The following ITGA7 variants were observed in gnomAD, a reference collection of about 807,000 sequenced individuals.
ITGA7 encodes the protein integrin subunit alpha 7.
A neutral mutation model predicts 131.6 loss-of-function variants in ITGA7; 84 were observed. The observed-to-expected ratio is 0.64, with a 90% CI of 0.54 to 0.77. ITGA7 has a LOEUF of 0.77. ITGA7 is among the 30% of genes least tolerant of loss of function. The pLI, the probability that ITGA7 is intolerant of heterozygous loss-of-function variation, is 0.00. For missense variants in ITGA7, 1,399 were observed against 1,482.9 expected (o/e 0.94, Z 0.93); for synonymous variants, 548 against 600.7 (o/e 0.91, Z 1.28).
rs1391762442 is a variant in ITGA7, at chr12:55,702,894, T to G, written c.392A>C (p.Gln131Pro). 1 of 1,612,970 alleles carries G rather than the reference T, an allele frequency of 6.2e-7. No homozygotes were observed. Among genetic ancestry groups the G allele is most frequent in the Non-Finnish European group, 8.5e-7 (1 of 1,179,940 alleles). ...CACAACAATCTTGCCCCCAGGCCCC[T>G]GGCTCCGAACACTGACTCCCAACCA... Reference protein sequence around the residue: ...NQWLGVSVRSQGPGGKIVTCA... With the variant: ...NQWLGVSVRSPGPGGKIVTCA... Residue 131 changes from glutamine (Q) to proline (P), a missense_variant, in exon 3 of 25, where the codon CAG becomes CCG. By Grantham distance (76) the Gln-to-Pro change is moderately conservative (BLOSUM62 -1). Transcript: ENST00000257879.
At position 55,701,101 on chromosome 12, in the gene ITGA7, C is replaced by T. The variant is rs1193499832; in HGVS notation, c.468G>A (p.Thr156=). 6 of 1,614,240 alleles carry T rather than the reference C, an allele frequency of 3.7e-6. No homozygotes were observed. The highest frequency in any genetic ancestry group is 1.6e-4 in the Middle Eastern group (1 of 6,062). ...CAAAGCAGCGACCAATCATATCCCG[C>T]GTCTCCAGGATCTGGTCCACTCGCT... The part of the protein sequence containing the change: ...ARQRVDQILE[T]RDMIGRCFVL... Residue 156 remains threonine (T), a synonymous_variant, in exon 4 of 25, where the codon ACG becomes ACA. Transcript: ENST00000257879.
At chr12:55,715,956 C>T (rs1876478068), upstream of ITGA7, 1 of 1,401,336 alleles carries the variant, frequency 7.1e-7, no homozygotes, top group East Asian at 2.6e-5. Flanking sequence ...CTTCACCTGC[C>T]CTCCGCAACC....
chr12:55,716,106 G>A (rs2040192795), upstream of ITGA7: 13 of 1,602,566 alleles, frequency 8.1e-6, no homozygotes, highest in Non-Finnish European at 1.1e-5. Context: ...GAGGGGGCCC[G>A]GCGTACCCAG....
chr12:55,695,688 C>A (rs1337859844), intron 13 of ITGA7, 51 bp from the exon 14 acceptor site: 5 of 1,240,308 alleles, frequency 4.0e-6, no homozygotes, highest in African/African-American at 1.5e-5. Flanking sequence ...AGGCAGGGGG[C>A]AAACCTGTCA....
intron 1 of ITGA7, 58 bp downstream of exon 1, chr12:55,707,419 G>T: frequency 7.2e-7 from 1 of 1,383,314 alleles, no homozygotes; most frequent in Non-Finnish European, 1.0e-6. Context: ...CCACAGAGTG[G>T]GGAGGGGGAC....
upstream of ITGA7, chr12:55,708,098 T>G: frequency 1.5e-5 from 14 of 930,788 alleles, no homozygotes; most frequent in Non-Finnish European, 1.8e-5. Context: ...GCTCCGCCCC[T>G]GCGCGGCGCT....
intron 19 of ITGA7, 85 bp downstream of exon 19, chr12:55,693,936 C>T (rs1429026687): frequency 2.7e-6 from 3 of 1,102,102 alleles, no homozygotes; most frequent in Non-Finnish European, 2.7e-6. Flanking sequence ...GGTAGAAGAG[C>T]CCCAGCCCTG....
In ITGA7 at chr12:55,685,130, T is replaced by G. The variant is rs1053757337; in HGVS notation, c.3342A>C (p.Ala1114=). Residue 1114 remains alanine, a synonymous_variant, in exon 25 of 25, where the codon GCA becomes GCC. Coordinates refer to ENST00000257879, the MANE Select transcript of ITGA7 (RefSeq NM_002206.3). ...WGSPRREGPD[A]HPILAADGHP... is the part of the protein sequence containing the mutation. Reference sequence around the variant, plus strand: ...GCCCGTCAGCAGCCAGGATGGGGTGTGCATCCGGGCCCTCCCGCCGGGGGC... The same window carrying G: ...GCCCGTCAGCAGCCAGGATGGGGTGGGCATCCGGGCCCTCCCGCCGGGGGC... The G allele has an allele frequency of 3.1e-6, 5 of 1,612,972 alleles. No individual in the cohort carries two copies. Among genetic ancestry groups the G allele is most frequent in the Admixed American group, 3.3e-5 (2 of 59,996 alleles).
upstream of ITGA7, among the ~76,000 whole-genome samples, chr12:55,709,577 C>T (rs1875855569): frequency 6.6e-6 from 1 of 152,194 alleles, no homozygotes; most frequent in Admixed American, 6.5e-5. Flanking sequence ...CCTCCCCATC[C>T]TTTTTAATAT....
intron 5 of ITGA7, 60 bp downstream of exon 5, chr12:55,699,810 T>C: frequency 6.4e-7 from 1 of 1,563,736 alleles, no homozygotes; most frequent in South Asian, 1.2e-5. Flanking sequence ...TCGAGTTCCC[T>C]GGGGAAGGAG....
upstream of ITGA7, chr12:55,708,102 C>G: frequency 1.1e-6 from 1 of 920,720 alleles, no homozygotes; most frequent in Non-Finnish European, 1.3e-6. Context: ...CGCCCCTGCG[C>G]GGCGCTCTCC....
At chr12:55,711,076 A>G (rs1876066426), upstream of ITGA7, among the ~76,000 whole-genome samples, 1 of 152,212 alleles carries the variant, frequency 6.6e-6, no homozygotes, top group Non-Finnish European at 1.5e-5. Flanking sequence ...ACCAATATCA[A>G]CTTTTTGGTT....
At chr12:55,715,573 G>A (rs1016830948), upstream of ITGA7, among the ~76,000 whole-genome samples, 1 of 152,150 alleles carries the variant, frequency 6.6e-6, no homozygotes, top group African/African-American at 2.4e-5. Context: ...AGTTAGCCAA[G>A]CTCCCTAGGA....
chr12:55,694,091 C>A lies in ITGA7; in HGVS notation c.2465G>T (p.Gly822Val), dbSNP rs1872078491. ...CATGGCTCTCTCGCCCCTCACCACA[C>A]CAGAGAAGAAGAGTTGCTGGGGAAT... ...MAIPQQLFFS[G>V]VVRGERAMQS... The change falls in exon 19 of 25, where the codon GGT (glycine) becomes GTT (valine). Residue 822 changes from glycine to valine, a missense_variant. By Grantham distance (109) the Gly-to-Val change is moderately radical. Coordinates refer to ENST00000257879, the MANE Select transcript of ITGA7 (RefSeq NM_002206.3). The surrounding 1 kb of genome is among the most constrained non-coding windows in gnomAD (Gnocchi z 5.3). 6.2e-7 allele frequency: 1 copy of A among 1,614,092 alleles called. No homozygotes were observed. Among genetic ancestry groups the A allele is most frequent in the Non-Finnish European group, 8.5e-7 (1 of 1,180,048 alleles).
At position 55,696,384 on chromosome 12, in the gene ITGA7, T is replaced by G; in HGVS notation, c.1786A>C (p.Ser596Arg). The stretch of plus-strand genomic sequence containing the variant: ...CGCCGGAGCCGAGGGGTCTGGAGAC[T>G]GTAGGACAAGGTCACTACAATGGCC... Reference protein sequence around the residue: ...LRAIVVTLSYSLQTPRLRRQA... With the variant: ...LRAIVVTLSYRLQTPRLRRQA... Residue 596 changes from serine (S) to arginine (R), a missense_variant, in exon 13 of 25, where the codon AGT becomes CGT. Coordinates refer to ENST00000257879, the MANE Select transcript of ITGA7 (RefSeq NM_002206.3). 1.9e-6 allele frequency: 3 copies of G among 1,599,604 alleles called. No homozygotes were observed. The highest frequency in any genetic ancestry group is 2.6e-6 in the Non-Finnish European group (3 of 1,171,864).
chr12:55,702,920 C>G lies in ITGA7; in HGVS notation c.366G>C (p.Gln122His). 1 of 1,613,308 alleles carries G rather than the reference C, an allele frequency of 6.2e-7. No individual in the cohort carries two copies. The highest frequency in any genetic ancestry group is 8.5e-7 in the Non-Finnish European group (1 of 1,180,018). Reference sequence around the variant, plus strand: ...GGCTCCGAACACTGACTCCCAACCACTGGTTCTCCTTGCTTTCCTTTTGCA... The same window carrying G: ...GGCTCCGAACACTGACTCCCAACCAGTGGTTCTCCTTGCTTTCCTTTTGCA... ...ADMQKESKEN[Q>H]WLGVSVRSQG... The change falls in exon 3 of 25, where the codon CAG (glutamine) becomes CAC (histidine). Residue 122 changes from glutamine (Q) to histidine (H), a missense_variant. Transcript: ENST00000257879.
At chr12:55,698,266 A>AAGCTCAG (rs1210636825) in intron 7 of ITGA7, 117 bp downstream of exon 7, 1 of 1,010,970 alleles carries the variant, frequency 9.9e-7, no homozygotes, top group South Asian at 1.6e-5. Flanking sequence ...GCTCAGACAT[A>AAGCTCAG]AGCTCAGGGA....
chr12:55,703,252 C>T (rs867223861), intron 1 of ITGA7, 74 bp from the exon 2 acceptor site: 2 of 1,508,366 alleles, frequency 1.3e-6, no homozygotes, highest in South Asian at 2.4e-5. Flanking sequence ...TTAGAGCTGC[C>T]CAGGCCCAAC....
chr12:55,701,932 T>A (rs1346586262), intron 3 of ITGA7, among the ~76,000 whole-genome samples: 1 of 152,118 alleles, frequency 6.6e-6, no homozygotes, highest in Admixed American at 6.6e-5. Context: ...CCCACAGTGA[T>A]CTGTATTGGT....
Sources: allele counts gnomAD v4.1 joint callset (sites outside exome capture counted in the v4.1 genomes callset), GRCh38; gene constraint gnomAD v4.1.1; non-coding constraint Gnocchi (gnomAD v3.1); transcripts MANE v1.5; gene names NCBI Gene and HGNC (gene_info 2026-07-23, HGNC 2026-07-21).